The following FSTL4 variants were observed in gnomAD, a reference collection of about 807,000 sequenced individuals.
FSTL4 encodes follistatin like 4.
Under a neutral mutation model 78.2 loss-of-function variants are expected in FSTL4, and 28 were observed. The observed-to-expected ratio is 0.36, with a 90% CI of 0.27 to 0.49. The LOEUF is 0.49. Ranked by LOEUF, FSTL4 falls within the 20% of genes least tolerant of loss-of-function variation. The probability of loss-of-function intolerance (pLI) is 0.98; values close to 1 mark genes in which losing one functional copy is unlikely to be tolerated. For missense variants in FSTL4, 922 were observed against 1,084.9 expected (o/e 0.85, Z 2.11); for synonymous variants, 422 against 440.5 (o/e 0.96, Z 0.53).
At chr5:133,474,474 G>A (rs983961880) in intron 3 of FSTL4, among the ~76,000 whole-genome samples, 4 of 152,162 alleles carry the variant, frequency 2.6e-5, no homozygotes, top group Admixed American at 1.3e-4. Context: ...CAGGCCAGTG[G>A]AAAATGCCAG....
the FSTL4 span, among the ~76,000 whole-genome samples, chr5:133,792,616 A>G: frequency 6.6e-6 from 1 of 152,184 alleles, no homozygotes; most frequent in South Asian, 2.1e-4. Context: ...TCCTGCTCCT[A>G]GCAGGGGTCT....
chr5:133,316,611 C>T lies in FSTL4; in HGVS notation c.451G>A (p.Val151Ile). The T allele has an allele frequency of 6.2e-7, 1 of 1,614,038 alleles. No homozygotes were observed. The highest frequency in any genetic ancestry group is 1.1e-5 in the South Asian group (1 of 91,064). Reference protein sequence around the residue: ...TMAGYARLKNVLLALQTRLQP... With the variant: ...TMAGYARLKNILLALQTRLQP... ...AGACGGGTCTGGAGTGCCAGAAGGACATTCTTCAAGCGGGCGTAGCCGGCC... is the reference window on the plus strand; with the variant it reads ...AGACGGGTCTGGAGTGCCAGAAGGATATTCTTCAAGCGGGCGTAGCCGGCC... Residue 151 changes from valine to isoleucine, a missense_variant, in exon 5 of 16, where the codon GTC (valine) becomes ATC (isoleucine). Coordinates refer to ENST00000265342, the MANE Select transcript of FSTL4 (RefSeq NM_015082.2).
chr5:133,412,437 C>G (rs1404184965), intron 3 of FSTL4, among the ~76,000 whole-genome samples: 1 of 152,096 alleles, frequency 6.6e-6, no homozygotes, highest in Non-Finnish European at 1.5e-5. Flanking sequence ...ATAGATGATG[C>G]TGGGGCAACC....
At chr5:133,504,837 C>T (rs1162161973) in intron 3 of FSTL4, among the ~76,000 whole-genome samples, 1 of 152,168 alleles carries the variant, frequency 6.6e-6, no homozygotes, top group Admixed American at 6.6e-5. Flanking sequence ...TGTTCTTTTC[C>T]TTCATAGCTC....
the FSTL4 span, among the ~76,000 whole-genome samples, chr5:133,809,138 G>C: frequency 8.6e-5 from 13 of 151,844 alleles, no homozygotes; most frequent in African/African-American, 3.1e-4. Flanking sequence ...GGCCAAGATG[G>C]GTGGATCACT....
At chr5:133,773,959 T>C in the FSTL4 span, among the ~76,000 whole-genome samples, 3 of 152,164 alleles carry the variant, frequency 2.0e-5, no homozygotes, top group Non-Finnish European at 4.4e-5. Flanking sequence ...TGGCATATGA[T>C]GGAGTGCAGG....
the FSTL4 span, among the ~76,000 whole-genome samples, chr5:133,717,468 CATA>C: frequency 6.6e-6 from 1 of 152,126 alleles, no homozygotes; most frequent in South Asian, 2.1e-4. Context: ...ATATTTTAAG[CATA>C]ATGTTGATGC....
At chr5:133,542,663 AC>A (rs1309806168) in intron 3 of FSTL4, among the ~76,000 whole-genome samples, 2 of 152,164 alleles carry the variant, frequency 1.3e-5, no homozygotes, top group Non-Finnish European at 2.9e-5. Flanking sequence ...TTTTATTTCT[AC>A]TGAAGTGAGT....
At chr5:133,552,397 A>G (rs1440792578) in intron 3 of FSTL4, among the ~76,000 whole-genome samples, 1 of 152,140 alleles carries the variant, frequency 6.6e-6, no homozygotes, top group Non-Finnish European at 1.5e-5. Flanking sequence ...AAAGCAGGAG[A>G]GCATGTATTC....
intron 4 of FSTL4, among the ~76,000 whole-genome samples, chr5:133,334,232 C>A (rs1465802197): frequency 6.6e-6 from 1 of 152,228 alleles, no homozygotes; most frequent in Non-Finnish European, 1.5e-5. Context: ...GTTCTACATG[C>A]AGCTTCCAGT....
chr5:133,614,979 C>A (rs1416613968), upstream of FSTL4, among the ~76,000 whole-genome samples: 1 of 151,576 alleles, frequency 6.6e-6, no homozygotes. Context: ...TATTTCTAAT[C>A]CTTACCAAAA....
intron 4 of FSTL4, among the ~76,000 whole-genome samples, chr5:133,337,946 G>A (rs1404222214): frequency 6.6e-6 from 1 of 152,166 alleles, no homozygotes; most frequent in African/African-American, 2.4e-5. Flanking sequence ...GACAGTCATG[G>A]TTCTTGCCTA....
the FSTL4 span, among the ~76,000 whole-genome samples, chr5:133,681,392 A>G: frequency 2.6e-5 from 4 of 152,322 alleles, no homozygotes; most frequent in African/African-American, 4.8e-5. Context: ...CTTCACTCCA[A>G]CAGAACTGAA....
chr5:133,582,724 A>C (rs1214597643), intron 2 of FSTL4, among the ~76,000 whole-genome samples: 1 of 152,112 alleles, frequency 6.6e-6, no homozygotes, highest in Non-Finnish European at 1.5e-5. Flanking sequence ...ACTTTCTCTC[A>C]GCCTTTGGGG....
chr5:133,512,289 C>T (rs973570598), intron 3 of FSTL4, among the ~76,000 whole-genome samples: 1 of 151,912 alleles, frequency 6.6e-6, no homozygotes, highest in Non-Finnish European at 1.5e-5. Flanking sequence ...CGATACTGAT[C>T]ATACAAATCT....
chr5:133,244,654 CTT>C (rs1322557086), intron 7 of FSTL4: 3 of 152,388 alleles, frequency 2.0e-5, no homozygotes, highest in Non-Finnish European at 4.4e-5. Context: ...GTGCACCTGT[CTT>C]TGGGGGCCTT....
the FSTL4 span, among the ~76,000 whole-genome samples, chr5:133,707,054 A>G: frequency 6.6e-6 from 1 of 152,174 alleles, no homozygotes; most frequent in Non-Finnish European, 1.5e-5. Flanking sequence ...ATGAGAATCT[A>G]AGGCTTGGGT....
intron 6 of FSTL4, among the ~76,000 whole-genome samples, chr5:133,280,049 C>A (rs965188855): frequency 1.3e-5 from 2 of 152,198 alleles, no homozygotes; most frequent in African/African-American, 4.8e-5. Context: ...CCTGCCAGCA[C>A]CTTGATTTCT....
the FSTL4 span, among the ~76,000 whole-genome samples, chr5:133,658,811 G>T: frequency 6.6e-6 from 1 of 152,084 alleles, no homozygotes; most frequent in Admixed American, 6.5e-5. Context: ...ACATAATTTA[G>T]CATGTGCTGC....
Sources: gnomAD v4.1 joint callset for allele counts (sites outside exome capture counted in the v4.1 genomes callset) on GRCh38, gnomAD v4.1.1 for gene constraint, MANE v1.5 for transcripts, NCBI Gene and HGNC (gene_info 2026-07-23, HGNC 2026-07-21) for gene names.